The following VRK1 variants were observed in gnomAD, a reference collection of about 807,000 sequenced individuals.
The protein encoded by VRK1 is VRK serine/threonine kinase 1, also known as serine/threonine-protein kinase VRK1.
VRK1 carries 33 observed loss-of-function variants against 57.1 expected under a neutral mutation model. The observed-to-expected ratio is 0.58, with a 90% CI of 0.44 to 0.77. VRK1 has a LOEUF of 0.77. Among genes scored for constraint, VRK1 ranks in the 30% least tolerant of loss-of-function variants. The pLI, the probability that VRK1 is intolerant of heterozygous loss-of-function variation, is 0.00. For missense variants in VRK1, 413 were observed against 477.3 expected (o/e 0.87, Z 1.25); for synonymous variants, 137 against 147.8 (o/e 0.93, Z 0.53).
chr14:96,835,738 G>C (rs1887187597), intron 2 of VRK1, among the ~76,000 whole-genome samples: 1 of 152,120 alleles, frequency 6.6e-6, no homozygotes, highest in South Asian at 2.1e-4. Flanking sequence ...TCCTTTTCTA[G>C]TCCTATTGCT....
intron 4 of VRK1, among the ~76,000 whole-genome samples, 186 bp downstream of exon 4, chr14:96,846,350 T>C (rs1317717273): frequency 6.6e-6 from 1 of 152,226 alleles, no homozygotes; most frequent in Non-Finnish European, 1.5e-5. Context: ...ATCAAGATTT[T>C]ATCTATATAG....
intron 11 of VRK1, among the ~76,000 whole-genome samples, chr14:96,862,883 G>A (rs1279064348): frequency 1.3e-5 from 2 of 152,086 alleles, no homozygotes; most frequent in Non-Finnish European, 2.9e-5. Context: ...TATATTTTCT[G>A]TGTATATATC....
At chr14:96,848,519 A>T (rs979582953) in intron 5 of VRK1, among the ~76,000 whole-genome samples, 1 of 152,134 alleles carries the variant, frequency 6.6e-6, no homozygotes. Context: ...TTTACTTGGG[A>T]TCCATGCCTC....
At chr14:96,819,197 C>A (rs1237622803) in intron 1 of VRK1, among the ~76,000 whole-genome samples, 1 of 152,122 alleles carries the variant, frequency 6.6e-6, no homozygotes, top group Admixed American at 6.5e-5. Context: ...ATAAATGAGT[C>A]ATTTTGTCTT....
intron 5 of VRK1, among the ~76,000 whole-genome samples, chr14:96,850,867 G>A (rs1163390565): frequency 6.6e-6 from 1 of 152,158 alleles, no homozygotes; most frequent in Non-Finnish European, 1.5e-5. Context: ...CATTTCCTTT[G>A]AACATCTTGT....
chr14:96,807,338 A>G (rs1885920477), intron 1 of VRK1, among the ~76,000 whole-genome samples: 1 of 152,248 alleles, frequency 6.6e-6, no homozygotes, highest in Non-Finnish European at 1.5e-5. Context: ...CCTTTCAAAT[A>G]TGTGAAAATA....
intron 3 of VRK1, among the ~76,000 whole-genome samples, chr14:96,844,917 G>T (rs73357325): frequency 0.049 from 7,481 of 152,228 alleles, 646 homozygotes; most frequent in African/African-American, 0.17. Context: ...TTAGAGCAGA[G>T]AGTATGGAGT....
At chr14:96,838,736 C>T (rs1004435810) in intron 3 of VRK1, among the ~76,000 whole-genome samples, 2 of 152,168 alleles carry the variant, frequency 1.3e-5, no homozygotes, top group African/African-American at 2.4e-5. Context: ...GGTGGGGACA[C>T]AGCCAAACCA....
chr14:96,819,212 A>T (rs1489609149), intron 1 of VRK1, among the ~76,000 whole-genome samples: 1 of 152,168 alleles, frequency 6.6e-6, no homozygotes, highest in Non-Finnish European at 1.5e-5. Flanking sequence ...TGTCTTAGGG[A>T]TATGATGGGT....
At chr14:96,833,389 G>A (rs914939812) in intron 1 of VRK1, 78 bp from the exon 2 acceptor site, 35 of 1,561,508 alleles carry the variant, frequency 2.2e-5, no homozygotes, top group Middle Eastern at 3.4e-4. Context: ...ATCTCCGTAC[G>A]GAAGTTTTCC....
intron 1 of VRK1, among the ~76,000 whole-genome samples, chr14:96,818,133 C>G (rs1176256324): frequency 6.6e-6 from 1 of 152,194 alleles, no homozygotes; most frequent in East Asian, 1.9e-4. Flanking sequence ...GAATGCTTCC[C>G]TTGTAGGGGA....
intron 1 of VRK1, among the ~76,000 whole-genome samples, chr14:96,809,798 C>T (rs1886101511): frequency 6.6e-6 from 1 of 152,058 alleles, no homozygotes; most frequent in Non-Finnish European, 1.5e-5. Flanking sequence ...GACTCCAACT[C>T]CTGACCTCAA....
At chr14:96,820,524 T>C (rs1379841852) in intron 1 of VRK1, among the ~76,000 whole-genome samples, 1 of 152,216 alleles carries the variant, frequency 6.6e-6, no homozygotes, top group Non-Finnish European at 1.5e-5. Flanking sequence ...AATGCGTTGT[T>C]GATGTTGTGA....
intron 1 of VRK1, among the ~76,000 whole-genome samples, chr14:96,820,931 T>G (rs1432773101): frequency 2.0e-5 from 3 of 152,302 alleles, no homozygotes; most frequent in Middle Eastern, 3.4e-3. Flanking sequence ...TCTTGATATC[T>G]TAAACACTTG....
At chr14:96,837,923 C>T (rs1887285092) in intron 3 of VRK1, 106 bp downstream of exon 3, 11 of 638,228 alleles carry the variant, frequency 1.7e-5, no homozygotes, top group Middle Eastern at 3.9e-4. Flanking sequence ...TAAGATACTA[C>T]ATTTTTAATA....
chr14:96,807,866 A>C (rs2139686534), intron 1 of VRK1, among the ~76,000 whole-genome samples: 1 of 152,302 alleles, frequency 6.6e-6, no homozygotes, highest in Middle Eastern at 3.4e-3. Context: ...CTAAAAGAAC[A>C]TGTATGTGAT....
intron 8 of VRK1, among the ~76,000 whole-genome samples, chr14:96,855,728 T>A (rs1198312781): frequency 6.6e-6 from 1 of 152,216 alleles, no homozygotes; most frequent in Non-Finnish European, 1.5e-5. Context: ...CCTGTTAAGT[T>A]AGTTTATTTC....
At chr14:96,880,335 G>C (rs1315931046) in intron 12 of VRK1, among the ~76,000 whole-genome samples, 1 of 152,136 alleles carries the variant, frequency 6.6e-6, no homozygotes, top group Non-Finnish European at 1.5e-5. Context: ...TGCAGTCATT[G>C]ATTAATTATG....
At chr14:96,875,548 T>A (rs190897459) in intron 11 of VRK1, among the ~76,000 whole-genome samples, 4 of 152,352 alleles carry the variant, frequency 2.6e-5, no homozygotes, top group Non-Finnish European at 5.9e-5. Flanking sequence ...CAATGTTATG[T>A]GGTACAAACA....
Sources: gnomAD v4.1 joint callset for allele counts (sites outside exome capture counted in the v4.1 genomes callset) on GRCh38, gnomAD v4.1.1 for gene constraint, MANE v1.5 for transcripts, NCBI Gene and HGNC (gene_info 2026-07-23, HGNC 2026-07-21) for gene names.